The following DOCK1 variants were observed in gnomAD, a reference collection of about 807,000 sequenced individuals.
The protein encoded by DOCK1 is dedicator of cytokinesis 1, also known as dedicator of cytokinesis protein 1.
Under a neutral mutation model 262.7 loss-of-function variants are expected in DOCK1, and 138 were observed. The observed-to-expected ratio is 0.53, with a 90% CI of 0.46 to 0.61. The LOEUF is 0.61. Among genes scored for constraint, DOCK1 ranks in the 20% least tolerant of loss-of-function variants. The probability of loss-of-function intolerance (pLI) is 0.00; values close to 1 mark genes in which losing one functional copy is unlikely to be tolerated. For missense variants in DOCK1, 1,908 were observed against 2,370.7 expected (o/e 0.80, Z 4.05); for synonymous variants, 866 against 867.4 (o/e 1.00, Z 0.03).
chr10:127,014,071 C>T (rs558287772), intron 12 of DOCK1, among the ~76,000 whole-genome samples: 40 of 152,384 alleles, frequency 2.6e-4, no homozygotes, highest in South Asian at 1.7e-3. Context: ...TTTTTCACAC[C>T]TCTGTCCACA....
intron 23 of DOCK1, among the ~76,000 whole-genome samples, chr10:127,079,084 G>A (rs772808772): frequency 1.4e-4 from 21 of 152,152 alleles, no homozygotes; most frequent in Non-Finnish European, 2.8e-4. Context: ...TCTGAAGTAT[G>A]CAGCTTAATC....
In DOCK1 at chr10:127,100,048, T is replaced by G. The variant is rs937928870; in HGVS notation, c.2446-6183T>G. Among the ~76,000 whole-genome samples the G allele has an allele frequency of 6.6e-6, 1 of 152,034 alleles. No individual in the cohort carries two copies. Among genetic ancestry groups the G allele is most frequent in the African/African-American group, 2.4e-5 (1 of 41,414 alleles). Reference sequence around the variant, plus strand: ...GTCCTGCAGGTACCAAGGGTGAGTCTGGGGTGGTGGGGCCAGAGCCCATGG... The same window carrying G: ...GTCCTGCAGGTACCAAGGGTGAGTCGGGGGTGGTGGGGCCAGAGCCCATGG... On this transcript the variant is annotated intron_variant, in intron 23 of 51. Coordinates refer to ENST00000623213, the MANE Select transcript of DOCK1 (RefSeq NM_001290223.2). This position sits in a 1 kb window ranked among gnomAD's most constrained non-coding sequence, Gnocchi z 5.5.
rs575928767 is a variant in DOCK1 at position 127,356,839 on chromosome 10, G to C, written c.3283+2112G>C. Among the ~76,000 whole-genome samples the C allele has an allele frequency of 1.1e-4, 16 of 152,228 alleles. 2 individuals carry two copies. The highest frequency in any genetic ancestry group is 3.6e-4 in the African/African-American group (15 of 41,546). ...TCTTTTACCCTGGCCCCTCCTAAAA[G>C]AGTGAGTCCATTTTCTTCTGTGTTG... On this transcript the variant is annotated intron_variant, in intron 32 of 51. Coordinates refer to ENST00000623213, the MANE Select transcript of DOCK1 (RefSeq NM_001290223.2).
At chr10:126,920,011 G>A (rs1485399720) in intron 1 of DOCK1, among the ~76,000 whole-genome samples, 1 of 152,204 alleles carries the variant, frequency 6.6e-6, no homozygotes, top group Non-Finnish European at 1.5e-5. Flanking sequence ...CTCAGCTCGA[G>A]AATGCAGTGG....
intron 38 of DOCK1, among the ~76,000 whole-genome samples, chr10:127,395,839 G>T (rs1006413297): frequency 6.6e-6 from 1 of 152,192 alleles, no homozygotes; most frequent in African/African-American, 2.4e-5. Flanking sequence ...AAGTGCCAGG[G>T]GTGGCTGGGG....
intron 27 of DOCK1, among the ~76,000 whole-genome samples, chr10:127,130,306 A>C (rs2050245985): frequency 6.6e-6 from 1 of 151,936 alleles, no homozygotes; most frequent in Non-Finnish European, 1.5e-5. Flanking sequence ...GGCTGGTCTC[A>C]AATTCCTGAC....
chr10:127,428,550 G>GTGTGGATTGGGGTGCCA (rs2068980057), intron 47 of DOCK1, among the ~76,000 whole-genome samples: 1 of 149,904 alleles, frequency 6.7e-6, no homozygotes, highest in Non-Finnish European at 1.5e-5. Flanking sequence ...TTGTGGTGTT[G>GTGTGGATTGGGGTGCCA]TGTGGATTGG....
intron 10 of DOCK1, 195 bp downstream of exon 10, chr10:127,000,502 T>C: frequency 4.1e-6 from 3 of 736,556 alleles, no homozygotes; most frequent in Non-Finnish European, 6.2e-6. Context: ...GCTCTAGTCC[T>C]CAAGTTTCAG....
At chr10:127,259,023 C>T (rs2059922075) in intron 29 of DOCK1, among the ~76,000 whole-genome samples, 1 of 152,164 alleles carries the variant, frequency 6.6e-6, no homozygotes. Context: ...TCCTACAAAC[C>T]TCCCCGAGGG....
chr10:126,941,991 G>C (rs948615329), intron 1 of DOCK1, among the ~76,000 whole-genome samples: 1 of 152,010 alleles, frequency 6.6e-6, no homozygotes, highest in Non-Finnish European at 1.5e-5. Flanking sequence ...GAGCCAAGAG[G>C]GTGTCGGATG....
Position 127,416,722 on chromosome 10 carries a change from A to G in DOCK1, c.4515+1484A>G, listed in dbSNP as rs534597548. The stretch of plus-strand genomic sequence containing the variant: ...AGGAAGGGATTCTTTCTCAGTGCAA[A>G]TGAGATTAGTAACAGGGAGGTAACA... On this transcript the variant is annotated intron_variant, in intron 44 of 51. Coordinates refer to ENST00000623213, the MANE Select transcript of DOCK1 (RefSeq NM_001290223.2). Among the ~76,000 whole-genome samples the G allele has an allele frequency of 5.3e-5, 8 of 152,304 alleles. No individual in the cohort carries two copies. In the East Asian group the frequency reaches 7.7e-4, roughly 15 times the overall value.
At chr10:127,087,441 G>C (rs542744514) in intron 23 of DOCK1, among the ~76,000 whole-genome samples, 2 of 152,278 alleles carry the variant, frequency 1.3e-5, no homozygotes, top group South Asian at 2.1e-4. Flanking sequence ...GAGTGGAGTA[G>C]AGGGGTGCTG....
At chr10:127,345,052 G>A (rs568204648) in intron 31 of DOCK1, among the ~76,000 whole-genome samples, 42 of 152,272 alleles carry the variant, frequency 2.8e-4, no homozygotes, top group African/African-American at 1.0e-3. Flanking sequence ...CGGGTTTGTA[G>A]ACTAGTAACA....
intron 29 of DOCK1, among the ~76,000 whole-genome samples, chr10:127,318,409 C>T (rs549250084): frequency 1.9e-4 from 29 of 152,192 alleles, no homozygotes; most frequent in South Asian, 4.2e-4. Context: ...TGTGAGGAGA[C>T]GAGTAGGGCT....
At chr10:127,122,682 A>G (rs1208112389) in intron 25 of DOCK1, among the ~76,000 whole-genome samples, 1 of 146,244 alleles carries the variant, frequency 6.8e-6, no homozygotes, top group African/African-American at 2.5e-5. Flanking sequence ...AAATGTCTGT[A>G]TTGGGACAAA....
At chr10:127,017,138 C>T (rs1300311825) in intron 12 of DOCK1, among the ~76,000 whole-genome samples, 3 of 111,138 alleles carry the variant, frequency 2.7e-5, no homozygotes, top group Non-Finnish European at 5.7e-5. Context: ...CAGACATACA[C>T]ACACAGATAC....
At chr10:126,932,748 C>T (rs1338844336) in intron 1 of DOCK1, among the ~76,000 whole-genome samples, 2 of 152,108 alleles carry the variant, frequency 1.3e-5, no homozygotes, top group African/African-American at 4.8e-5. Flanking sequence ...GGGCCACTGG[C>T]TGATGCACAG....
At chr10:127,024,989 A>C (rs926089819) in intron 15 of DOCK1, 1 of 449,928 alleles carries the variant, frequency 2.2e-6, no homozygotes, top group African/African-American at 1.9e-5. Flanking sequence ...GGACGTAAAA[A>C]TAGGACGTTC....
chr10:127,300,369 T>C (rs559984767), intron 29 of DOCK1, among the ~76,000 whole-genome samples: 3 of 152,266 alleles, frequency 2.0e-5, no homozygotes, highest in Non-Finnish European at 4.4e-5. Flanking sequence ...AAACAGGAAA[T>C]GAGCCACCAA....
Sources: gnomAD v4.1 joint callset for allele counts (sites outside exome capture counted in the v4.1 genomes callset) on GRCh38, gnomAD v4.1.1 for gene constraint, Gnocchi (gnomAD v3.1) non-coding constraint, MANE v1.5 for transcripts, NCBI Gene and HGNC (gene_info 2026-07-23, HGNC 2026-07-21) for gene names.